The following TLN2 variants were observed in gnomAD, a reference collection of about 807,000 sequenced individuals.
The protein encoded by TLN2 is talin 2.
TLN2 carries 118 observed loss-of-function variants against 294.7 expected under a neutral mutation model. The observed-to-expected ratio is 0.40, with a 90% CI of 0.34 to 0.47. The LOEUF (loss-of-function observed/expected upper bound fraction) is 0.47. Ranked by LOEUF, TLN2 falls within the 20% of genes least tolerant of loss-of-function variation. The pLI, the probability that TLN2 is intolerant of heterozygous loss-of-function variation, is 0.84. For missense variants in TLN2, 3,083 were observed against 3,282.2 expected (o/e 0.94, Z 1.48); for synonymous variants, 1,431 against 1,304.5 (o/e 1.10, Z -2.09).
rs1272145437 is a variant in TLN2, at chr15:62,742,072, T to TGTGTGTGTGTGTGTGA, written c.4025+1306_4025+1307insTGTGTGTGTGTGAGTG. 3.4e-4 allele frequency among the ~76,000 whole-genome samples: 48 copies of TGTGTGTGTGTGTGTGA among 142,506 alleles called. 1 individual carries two copies. Among genetic ancestry groups the TGTGTGTGTGTGTGTGA allele is most frequent in the Non-Finnish European group, 4.9e-4 (32 of 65,554 alleles). The allele number at this position is 142,506 out of a possible 152,430, so 93.5% of individuals were successfully genotyped here. A position where few individuals can be genotyped will look rare whatever the true frequency, so the allele number is the denominator to read the frequency against. On this transcript the variant is annotated intron_variant, in intron 32 of 58. Transcript: ENST00000636159. Reference sequence around the variant, plus strand: ...GTGTGTGTGTGTGTGTGTGTGTGTGTGTGAAGGGTTAGACACTGTCAGAGC... The same window carrying TGTGTGTGTGTGTGTGA: ...GTGTGTGTGTGTGTGTGTGTGTGTGTGTGTGTGTGTGTGTGAGTGAAGGGTTAGACACTGTCAGAGC...
chr15:62,522,751 T>C (rs1437759468), intron 1 of TLN2, among the ~76,000 whole-genome samples: 1 of 151,974 alleles, frequency 6.6e-6, no homozygotes, highest in Non-Finnish European at 1.5e-5. Flanking sequence ...GCTGACATTT[T>C]GAGGACAGGA....
At position 62,580,312 on chromosome 15, in the gene TLN2, C is replaced by T. The variant is rs147215172; in HGVS notation, c.-237-9375C>T. On this transcript the variant is annotated intron_variant, in intron 1 of 58. Coordinates refer to ENST00000636159, the MANE Select transcript of TLN2 (RefSeq NM_015059.3). ...ACCAACATCCCATGCTAGGGTGGTA[C>T]ATTTGTTATAGTTGATGAACCTATA... Among the ~76,000 whole-genome samples the T allele has an allele frequency of 3.3e-5, 5 of 152,284 alleles. No homozygotes were observed. In the East Asian group the frequency reaches 9.6e-4, roughly 29 times the overall value.
intron 50 of TLN2, among the ~76,000 whole-genome samples, chr15:62,803,022 T>G (rs200466420): frequency 2.0e-5 from 3 of 152,274 alleles, no homozygotes; most frequent in African/African-American, 7.2e-5. Context: ...TTCTGTGGGT[T>G]GATTGTTTCC....
intron 47 of TLN2, 94 bp downstream of exon 47, chr15:62,796,387 A>C: frequency 7.1e-7 from 1 of 1,416,142 alleles, no homozygotes; most frequent in Non-Finnish European, 9.5e-7. Flanking sequence ...CCAGAAATGT[A>C]GTTATCTGTT....
chr15:62,618,654 G>C (rs2048512238), intron 3 of TLN2, among the ~76,000 whole-genome samples, 179 bp downstream of exon 3: 1 of 152,190 alleles, frequency 6.6e-6, no homozygotes, highest in Non-Finnish European at 1.5e-5. Context: ...GAGTGAGTCA[G>C]ACCTTTGATG....
At chr15:62,673,322 T>TTTTTTTTTTTTTTTTG in intron 9 of TLN2, among the ~76,000 whole-genome samples, 1 of 140,126 alleles carries the variant, frequency 7.1e-6, no homozygotes, top group Non-Finnish European at 1.5e-5. Flanking sequence ...TTTTTTTTTT[T>TTTTTTTTTTTTTTTTG]TTTTTTGCAA....
rs59854818 is a variant in TLN2, at chr15:62,631,142, A to T, written c.-37+12667A>T. On this transcript the variant is annotated intron_variant, in intron 3 of 58. Coordinates refer to ENST00000636159, the MANE Select transcript of TLN2 (RefSeq NM_015059.3). ...AGACTCTGTTGGCTTGCAGCTTCCT[A>T]TGAGTTCCGCAGCTTCTCATACCTC... Among the ~76,000 whole-genome samples the T allele has an allele frequency of 1.6e-4, 25 of 151,982 alleles. No individual in the cohort carries two copies. The East Asian group carries it at 4.5e-3, about 27-fold the overall frequency.
chr15:62,516,713 G>A (rs2040210055), intron 1 of TLN2, among the ~76,000 whole-genome samples: 2 of 152,210 alleles, frequency 1.3e-5, no homozygotes, highest in East Asian at 3.8e-4. Flanking sequence ...TTGGACAGAA[G>A]CTCTAGGGGG....
chr15:62,820,835 C>G (rs2067503306), intron 54 of TLN2, among the ~76,000 whole-genome samples: 1 of 152,110 alleles, frequency 6.6e-6, no homozygotes, highest in African/African-American at 2.4e-5. Context: ...CTCTGAGTAT[C>G]CAAAGGAAGA....
In TLN2 at chr15:62,842,288, T is replaced by G. The variant is rs1319372762; in HGVS notation, c.*1678T>G. On this transcript the variant is annotated 3_prime_UTR_variant, in exon 59 of 59. Coordinates refer to ENST00000636159, the MANE Select transcript of TLN2 (RefSeq NM_015059.3). The stretch of plus-strand genomic sequence containing the variant: ...GAGTATGTGTAGGACACTGACAGTG[T>G]GTGGGCACCAGTTCTGAAGAGGAGG... 6.6e-6 allele frequency: 1 copy of G among 152,146 alleles called. No homozygotes were observed. Among genetic ancestry groups the G allele is most frequent in the Non-Finnish European group, 1.5e-5 (1 of 68,046 alleles). The allele number at this position is 152,146 out of a possible 1,614,324, so 9.4% of individuals were successfully genotyped here.
intron 35 of TLN2, 139 bp from the exon 36 acceptor site, chr15:62,753,634 C>A: frequency 1.0e-6 from 1 of 960,782 alleles, no homozygotes; most frequent in Non-Finnish European, 1.5e-6. Context: ...TATTGGTGAG[C>A]GGGATGAGAT....
intron 32 of TLN2, among the ~76,000 whole-genome samples, chr15:62,745,559 G>A (rs2061565765): frequency 6.6e-6 from 1 of 151,910 alleles, no homozygotes; most frequent in African/African-American, 2.4e-5. Flanking sequence ...TTTTTAGAGG[G>A]GTAGGCCCAT....
intron 35 of TLN2, 95 bp from the exon 36 acceptor site, chr15:62,753,678 G>A (rs2062063053): frequency 4.1e-6 from 6 of 1,448,590 alleles, no homozygotes; most frequent in Non-Finnish European, 5.5e-6. Context: ...GAGTGCCTGA[G>A]TGTGACAGCT....
chr15:62,544,877 CATTG>C (rs1442131616), intron 1 of TLN2, among the ~76,000 whole-genome samples: 1 of 151,912 alleles, frequency 6.6e-6, no homozygotes, highest in African/African-American at 2.4e-5. Flanking sequence ...AGTGGCAACA[CATTG>C]ATTGTGTTAA....
In TLN2 at chr15:62,843,994, C is replaced by G. The variant is rs2070962302; in HGVS notation, c.*3384C>G. 6.6e-6 allele frequency: 1 copy of G among 152,220 alleles called. No homozygotes were observed. The highest frequency in any genetic ancestry group is 2.4e-5 in the African/African-American group (1 of 41,438). 9.4% of individuals were successfully genotyped at this position (152,220 alleles called of 1,614,324 possible). On this transcript the variant is annotated 3_prime_UTR_variant, in exon 59 of 59. Coordinates refer to ENST00000636159, the MANE Select transcript of TLN2 (RefSeq NM_015059.3). Reference sequence around the variant, plus strand: ...ATCAGCATGTTCCATTCTCAGATTCCTGGAGGAAAGGTACCCTCTGTTGAC... The same window carrying G: ...ATCAGCATGTTCCATTCTCAGATTCGTGGAGGAAAGGTACCCTCTGTTGAC...
rs574047288 is a variant in TLN2 at position 62,836,226 on chromosome 15, G to GCAT, written c.7374+155_7374+157dup. The GCAT allele has an allele frequency of 2.4e-4, 254 of 1,056,822 alleles. No homozygotes were observed. The East Asian group carries it at 4.2e-3, about 18-fold the overall frequency. The allele number at this position is 1,056,822 out of a possible 1,614,324, so 65.5% of individuals were successfully genotyped here. ...AGCCTCATCTACTGCGTGCGTCCAT[G>GCAT]CATCCTCCACTGCTGCCCCACCACG... On this transcript the variant is annotated intron_variant, in intron 57 of 58. Coordinates refer to ENST00000636159, the MANE Select transcript of TLN2 (RefSeq NM_015059.3).
chr15:62,800,401 A>G lies in TLN2; in HGVS notation c.6268A>G (p.Lys2090Glu), dbSNP rs577562598. ...GATCAATGCCATCAAAGATGTGGCCAAGGCCCTTTCTGATCTCATCAGTGC... is the reference window on the plus strand; with the variant it reads ...GATCAATGCCATCAAAGATGTGGCCGAGGCCCTTTCTGATCTCATCAGTGC... ...VLINAIKDVA[K>E]ALSDLISATK... is the part of the protein sequence containing the mutation. Residue 2090 changes from lysine to glutamate, a missense_variant, in exon 49 of 59, where the codon AAG becomes GAG. Lys to Glu is a moderately conservative substitution (Grantham distance 56). Transcript: ENST00000636159. 1.2e-6 allele frequency: 2 copies of G among 1,614,188 alleles called. No individual in the cohort carries two copies. The highest frequency in any genetic ancestry group is 1.3e-5 in the African/African-American group (1 of 75,064).
At chr15:62,549,256 G>C (rs545191446) in intron 1 of TLN2, among the ~76,000 whole-genome samples, 6 of 152,136 alleles carry the variant, frequency 3.9e-5, no homozygotes, top group South Asian at 2.1e-4. Context: ...TCTTCCATTT[G>C]TTCAGATTAA....
chr15:62,498,348 T>C lies in TLN2; in HGVS notation c.-237-91339T>C, dbSNP rs532081359. 2.5e-4 allele frequency among the ~76,000 whole-genome samples: 38 copies of C among 152,308 alleles called. 1 individual carries two copies. Among genetic ancestry groups the C allele is most frequent in the South Asian group, 1.0e-3 (5 of 4,826 alleles). On this transcript the variant is annotated intron_variant, in intron 1 of 58. Coordinates refer to ENST00000636159, the MANE Select transcript of TLN2 (RefSeq NM_015059.3). ...CTGACCCTAAACATTTGTATAGTTT[T>C]AGTATTCGATCCTTGAGTAGTCACT...
Sources: allele counts gnomAD v4.1 joint callset (sites outside exome capture counted in the v4.1 genomes callset), GRCh38; gene constraint gnomAD v4.1.1; transcripts MANE v1.5; gene names NCBI Gene and HGNC (gene_info 2026-07-23, HGNC 2026-07-21).